Variants in NKAIN2 observed in about 807,000 individuals in gnomAD.
NKAIN2 encodes the protein sodium/potassium transporting ATPase interacting 2, also known as sodium/potassium-transporting ATPase subunit beta-1-interacting protein 2.
A neutral mutation model predicts 32.6 loss-of-function variants in NKAIN2; 14 were observed. The ratio of observed to expected loss-of-function variants is 0.43; its 90% CI spans 0.28 to 0.67. The LOEUF (loss-of-function observed/expected upper bound fraction) is 0.67, where lower values mean the gene tolerates loss of function less well. Ranked by LOEUF, NKAIN2 falls within the 30% of genes least tolerant of loss-of-function variation. The pLI, the probability that NKAIN2 is intolerant of heterozygous loss-of-function variation, is 0.17. For synonymous variants in NKAIN2, 80 were observed against 87.2 expected (o/e 0.92, Z 0.46); for missense variants, 198 against 258.3 (o/e 0.77, Z 1.60).
chr6:124,333,229 C>A (rs901107228), intron 2 of NKAIN2, among the ~76,000 whole-genome samples: 1 of 152,096 alleles, frequency 6.6e-6, no homozygotes, highest in Non-Finnish European at 1.5e-5. Flanking sequence ...AATCAAAAAC[C>A]TCAATATTAA....
chr6:124,147,073 G>A (rs1787444800), intron 1 of NKAIN2, among the ~76,000 whole-genome samples: 1 of 152,114 alleles, frequency 6.6e-6, no homozygotes, highest in African/African-American at 2.4e-5. Context: ...CCAATTATGT[G>A]TTTTCTCTGG....
chr6:123,984,225 AG>A (rs1779032992), intron 1 of NKAIN2, among the ~76,000 whole-genome samples: 1 of 152,026 alleles, frequency 6.6e-6, no homozygotes, highest in African/African-American at 2.4e-5. Context: ...CATTCTTTAA[AG>A]TGAAGGCTTA....
chr6:124,256,549 C>T (rs563810741), intron 1 of NKAIN2, among the ~76,000 whole-genome samples: 1 of 152,076 alleles, frequency 6.6e-6, no homozygotes, highest in South Asian at 2.1e-4. Flanking sequence ...TAGTTCTGTC[C>T]TAGTAACATT....
At chr6:124,155,442 T>C (rs1045818629) in intron 1 of NKAIN2, among the ~76,000 whole-genome samples, 4 of 151,906 alleles carry the variant, frequency 2.6e-5, no homozygotes, top group Non-Finnish European at 4.4e-5. Context: ...TTATTATATG[T>C]CAATTAAAAA....
intron 4 of NKAIN2, among the ~76,000 whole-genome samples, chr6:124,714,247 G>A (rs546526757): frequency 6.0e-4 from 91 of 152,076 alleles, no homozygotes; most frequent in Non-Finnish European, 1.2e-4. Context: ...CAAAACAGAC[G>A]AGCATTATGA....
chr6:124,506,432 C>G (rs914295432), intron 3 of NKAIN2, among the ~76,000 whole-genome samples: 43 of 152,062 alleles, frequency 2.8e-4, no homozygotes, highest in African/African-American at 9.2e-4. Flanking sequence ...CAGTCTCTGC[C>G]CAGGAGTGAG....
chr6:124,602,298 C>G (rs1159758306), intron 3 of NKAIN2, among the ~76,000 whole-genome samples: 1 of 151,912 alleles, frequency 6.6e-6, no homozygotes, highest in East Asian at 1.9e-4. Flanking sequence ...AAGACTAACT[C>G]ATCTTATAGC....
At chr6:124,728,935 C>T (rs1472616206) in intron 4 of NKAIN2, among the ~76,000 whole-genome samples, 37 of 150,008 alleles carry the variant, frequency 2.5e-4, no homozygotes, top group African/African-American at 5.6e-4. Flanking sequence ...AACACCTCTA[C>T]GCAAATAAAC....
intron 4 of NKAIN2, among the ~76,000 whole-genome samples, chr6:124,771,986 T>C (rs1306388850): frequency 6.6e-6 from 1 of 152,086 alleles, no homozygotes; most frequent in Non-Finnish European, 1.5e-5. Context: ...GCAATAGAAA[T>C]ATAATGGGTG....
At chr6:124,177,332 T>C (rs1243526082) in intron 1 of NKAIN2, among the ~76,000 whole-genome samples, 1 of 152,176 alleles carries the variant, frequency 6.6e-6, no homozygotes, top group Non-Finnish European at 1.5e-5. Context: ...GAGTATGACA[T>C]GGAGAATTGT....
intron 1 of NKAIN2, among the ~76,000 whole-genome samples, chr6:124,144,789 AT>A (rs1158755132): frequency 2.0e-5 from 3 of 152,174 alleles, no homozygotes; most frequent in Non-Finnish European, 4.4e-5. Flanking sequence ...ATTGGGCCTA[AT>A]TAAAAAAAGT....
At chr6:124,014,897 C>G (rs956341983) in intron 1 of NKAIN2, among the ~76,000 whole-genome samples, 1 of 152,086 alleles carries the variant, frequency 6.6e-6, no homozygotes, top group Non-Finnish European at 1.5e-5. Flanking sequence ...TTTAACGTAT[C>G]TCCCTCTAAT....
intron 3 of NKAIN2, among the ~76,000 whole-genome samples, chr6:124,456,124 C>A (rs926356327): frequency 1.3e-5 from 2 of 151,852 alleles, no homozygotes; most frequent in African/African-American, 4.8e-5. Context: ...AAAAATATCC[C>A]TAAATAATGG....
intron 1 of NKAIN2, among the ~76,000 whole-genome samples, chr6:124,260,815 A>C (rs541402701): frequency 2.0e-5 from 3 of 152,294 alleles, no homozygotes; most frequent in African/African-American, 7.2e-5. Flanking sequence ...ATTTTGATAT[A>C]GTTGAGACCC....
At chr6:124,601,575 T>C (rs1296962995) in intron 3 of NKAIN2, among the ~76,000 whole-genome samples, 1 of 152,024 alleles carries the variant, frequency 6.6e-6, no homozygotes, top group Non-Finnish European at 1.5e-5. Context: ...GAGGCCATTG[T>C]GATATGGTCA....
chr6:124,815,001 G>A lies in NKAIN2; in HGVS notation c.536-3386G>A, dbSNP rs183613791. On this transcript the variant is annotated intron_variant, in intron 5 of 6. Transcript: ENST00000368417. ...TCTCAATTTCAGTGGAGACCTTACT[G>A]TTTTTGTCTGCCCTGATCTTGATCT... is the stretch of plus-strand genomic sequence containing the variant. 1.0e-3 allele frequency among the ~76,000 whole-genome samples: 153 copies of A among 151,832 alleles called. 4 individuals are homozygous for A. The highest frequency in any genetic ancestry group is 3.8e-4 in the Non-Finnish European group (26 of 67,982).
chr6:124,307,457 A>G (rs1796552924), intron 2 of NKAIN2, among the ~76,000 whole-genome samples: 1 of 152,126 alleles, frequency 6.6e-6, no homozygotes, highest in East Asian at 1.9e-4. Flanking sequence ...GGATGCTATT[A>G]ATGGTTGTTT....
chr6:124,679,677 G>C (rs535460583), intron 4 of NKAIN2, among the ~76,000 whole-genome samples: 1 of 152,304 alleles, frequency 6.6e-6, no homozygotes, highest in South Asian at 2.1e-4. Context: ...TCTACCATCT[G>C]ATGATGTCAC....
chr6:124,311,762 A>C (rs1796727704), intron 2 of NKAIN2, among the ~76,000 whole-genome samples: 2 of 152,184 alleles, frequency 1.3e-5, no homozygotes, highest in South Asian at 4.1e-4. Flanking sequence ...CTAGTGTCTT[A>C]AGAGACCTGG....
Sources: allele counts gnomAD v4.1 joint callset (sites outside exome capture counted in the v4.1 genomes callset), GRCh38; gene constraint gnomAD v4.1.1; transcripts MANE v1.5; gene names NCBI Gene and HGNC (gene_info 2026-07-23, HGNC 2026-07-21).